Variants in DEAF1 observed in about 807,000 individuals in gnomAD.
The protein encoded by DEAF1 is DEAF1 transcription factor, also known as deformed epidermal autoregulatory factor 1 homolog.
DEAF1 carries 53 observed loss-of-function variants against 58.9 expected under a neutral mutation model. The observed-to-expected ratio is 0.90, with a 90% CI of 0.72 to 1.13. The LOEUF (loss-of-function observed/expected upper bound fraction) is 1.13. DEAF1 is among the 50% of genes most tolerant of loss of function. The probability of loss-of-function intolerance (pLI) is 0.00; values close to 1 mark genes in which losing one functional copy is unlikely to be tolerated. For missense variants in DEAF1, 685 were observed against 791.4 expected, an observed-to-expected ratio of 0.87 and a Z score of 1.61; for synonymous variants, 385 against 340.4, an observed-to-expected ratio of 1.13 and a Z score of -1.44.
intron 2 of DEAF1, among the ~76,000 whole-genome samples, chr11:689,017 C>T (rs1175340184): frequency 1.3e-5 from 2 of 152,286 alleles, no homozygotes; most frequent in Non-Finnish European, 2.9e-5. Flanking sequence ...GGAACTTGAA[C>T]CCTACCTTGG....
chr11:680,841 C>T, intron 7 of DEAF1, 122 bp downstream of exon 7: 3 of 1,429,994 alleles, frequency 2.1e-6, no homozygotes, highest in Non-Finnish European at 2.9e-6. Flanking sequence ...CGTTGGAATC[C>T]CTCTGGCCAC....
rs1183248752 is a variant in DEAF1, at chr11:653,977, G to A, written c.1578C>T (p.Thr526=). Residue 526 remains threonine (T), a synonymous_variant, in exon 11 of 12, where the codon ACC becomes ACT. Transcript: ENST00000382409. ...TGCHKVNYCS[T]FCQRKDWKDH... ...TGAGACCTACCTTGCGTTGGCAGAAGGTGGAGCAGTAGTTGACCTTGTGGC... is the reference window on the plus strand; with the variant it reads ...TGAGACCTACCTTGCGTTGGCAGAAAGTGGAGCAGTAGTTGACCTTGTGGC... 1.2e-6 allele frequency: 2 copies of A among 1,613,930 alleles called. No homozygotes were observed. Among genetic ancestry groups the A allele is most frequent in the East Asian group, 4.5e-5 (2 of 44,862 alleles).
chr11:691,864 C>T (rs1270444452), intron 1 of DEAF1, among the ~76,000 whole-genome samples: 2 of 152,156 alleles, frequency 1.3e-5, no homozygotes, highest in Non-Finnish European at 2.9e-5. Flanking sequence ...ACAACAAACC[C>T]GCCACCCCAG....
intron 10 of DEAF1, among the ~76,000 whole-genome samples, chr11:662,448 TG>T (rs1859359536): frequency 6.6e-6 from 1 of 152,162 alleles, no homozygotes; most frequent in South Asian, 2.1e-4. Context: ...CCTACTGTTG[TG>T]GGGAACCATT....
chr11:654,788 G>A lies in DEAF1; in HGVS notation c.1504-737C>T, dbSNP rs545933371. The A allele has an allele frequency of 1.1e-4, 40 of 380,736 alleles. 1 individual carries two copies. The highest frequency in any genetic ancestry group is 6.6e-4 in the South Asian group (35 of 53,396). 23.6% of individuals were successfully genotyped at this position (380,736 alleles called of 1,614,324 possible). ...GGAGGCTGAGGTGGGAGAATAGCTT[G>A]CACCCAGGAGGCGGAGGTTGCAGTG... is the stretch of plus-strand genomic sequence containing the variant. On this transcript the variant is annotated intron_variant, in intron 10 of 11. Transcript: ENST00000382409.
At chr11:678,564 C>A in intron 9 of DEAF1, 130 bp downstream of exon 9, 1 of 1,329,814 alleles carries the variant, frequency 7.5e-7, no homozygotes, top group South Asian at 1.2e-5. Context: ...ACTTTACCAG[C>A]CACTGATCTA....
At chr11:684,740 G>C (rs1222417271) in intron 6 of DEAF1, among the ~76,000 whole-genome samples, 158 bp downstream of exon 6, 1 of 152,134 alleles carries the variant, frequency 6.6e-6, no homozygotes, top group Non-Finnish European at 1.5e-5. Context: ...GACGTATCAG[G>C]GAGGAGGGAA....
rs139362791 is a variant in DEAF1 at position 668,773 on chromosome 11, G to A, written c.1503+5763C>T. Reference sequence around the variant, plus strand: ...GGAACTTGAGGCTGCAGTGAGCCGAGGTCACACCTCTGTACTCCAGCCTGG... The same window carrying A: ...GGAACTTGAGGCTGCAGTGAGCCGAAGTCACACCTCTGTACTCCAGCCTGG... On this transcript the variant is annotated intron_variant, in intron 10 of 11. Transcript: ENST00000382409. Among the ~76,000 whole-genome samples the A allele has an allele frequency of 3.6e-4, 55 of 152,242 alleles. No homozygotes were observed. The East Asian group carries it at 6.0e-3, about 17-fold the overall frequency.
intron 10 of DEAF1, among the ~76,000 whole-genome samples, chr11:659,148 T>C (rs972388509): frequency 3.3e-5 from 5 of 151,754 alleles, no homozygotes; most frequent in Non-Finnish European, 7.4e-5. Context: ...TCCCAGCACT[T>C]TGGGAGGCCG....
chr11:703,359 TG>T (rs1344503479), intron 1 of DEAF1: 2 of 1,393,104 alleles, frequency 1.4e-6, no homozygotes, highest in African/African-American at 2.9e-5. Context: ...TGGGAACAGC[TG>T]CGGGGAGGGT....
At chr11:695,950 G>T, upstream of DEAF1, 2 of 927,562 alleles carry the variant, frequency 2.2e-6, no homozygotes, top group East Asian at 6.7e-5. Flanking sequence ...ACGGGGCCGT[G>T]CCACCGTCTC....
At chr11:702,840 G>C in intron 1 of DEAF1, 5 of 1,140,340 alleles carry the variant, frequency 4.4e-6, no homozygotes, top group Non-Finnish European at 6.2e-6. Context: ...GAGGAACGTA[G>C]GGCAAGGAGC....
chr11:679,907 G>C (rs1860270136), intron 7 of DEAF1, 91 bp from the exon 8 acceptor site: 1 of 1,571,926 alleles, frequency 6.4e-7, no homozygotes, highest in African/African-American at 1.3e-5. Context: ...ATCCTTGTGG[G>C]GGCCTGGGCT....
At chr11:670,163 T>C (rs977824655) in intron 10 of DEAF1, among the ~76,000 whole-genome samples, 1 of 151,912 alleles carries the variant, frequency 6.6e-6, no homozygotes, top group African/African-American at 2.4e-5. Flanking sequence ...TCTGCAGGGA[T>C]TGAAATGGTC....
intron 6 of DEAF1, among the ~76,000 whole-genome samples, chr11:683,085 C>T (rs1347213997): frequency 1.3e-5 from 2 of 152,144 alleles, no homozygotes; most frequent in Non-Finnish European, 2.9e-5. Context: ...ATTTGCTGTA[C>T]TCCCCTAGGA....
At chr11:675,006 A>G (rs1482466054) in intron 9 of DEAF1, among the ~76,000 whole-genome samples, 4 of 151,934 alleles carry the variant, frequency 2.6e-5, no homozygotes, top group African/African-American at 9.7e-5. Flanking sequence ...AAAAAAATAC[A>G]AAAAATTGGC....
chr11:674,473 G>A, intron 10 of DEAF1, 63 bp downstream of exon 10: 3 of 1,611,116 alleles, frequency 1.9e-6, no homozygotes, highest in Non-Finnish European at 2.5e-6. Context: ...GCTGGGCACA[G>A]GCACCAGGGT....
At chr11:648,442 G>A (rs77397865) in intron 11 of DEAF1, among the ~76,000 whole-genome samples, 28 of 152,178 alleles carry the variant, frequency 1.8e-4, no homozygotes, top group African/African-American at 5.1e-4. Flanking sequence ...TGATCCGCCC[G>A]CCTCGGCCTC....
At chr11:645,038 C>T (rs1458285848) in intron 11 of DEAF1, among the ~76,000 whole-genome samples, 1 of 151,912 alleles carries the variant, frequency 6.6e-6, no homozygotes, top group Non-Finnish European at 1.5e-5. Context: ...TGGCAGGCAC[C>T]TCTAATCCCA....
Sources: allele counts gnomAD v4.1 joint callset (sites outside exome capture counted in the v4.1 genomes callset), GRCh38; gene constraint gnomAD v4.1.1; transcripts MANE v1.5; gene names NCBI Gene and HGNC (gene_info 2026-07-23, HGNC 2026-07-21).